PXK: variants seen among roughly 807,000 people sequenced by gnomAD.
The protein encoded by PXK is PX domain-containing protein kinase-like protein.
A neutral mutation model predicts 84.7 loss-of-function variants in PXK; 35 were observed. The ratio of observed to expected loss-of-function variants is 0.41; its 90% CI spans 0.32 to 0.55. The LOEUF is 0.55. Ranked by LOEUF, PXK falls within the 20% of genes least tolerant of loss-of-function variation. The probability of loss-of-function intolerance (pLI) is 0.21; values close to 1 mark genes in which losing one functional copy is unlikely to be tolerated. For synonymous variants in PXK, 253 were observed against 260.8 expected (o/e 0.97, Z 0.29); for missense variants, 634 against 699.7 (o/e 0.91, Z 1.06).
chr3:58,390,195 A>G lies in PXK; in HGVS notation c.389-387A>G, dbSNP rs1422583356. 6.6e-6 allele frequency among the ~76,000 whole-genome samples: 1 copy of G among 151,886 alleles called. No homozygotes were observed. The highest frequency in any genetic ancestry group is 1.5e-5 in the Non-Finnish European group (1 of 68,004). ...CCTATCTCAAAAAACAAAAAACAAA[A>G]CTAAACAAAAGAAGTTGCAATGATA... is the stretch of plus-strand genomic sequence containing the variant. On this transcript the variant is annotated intron_variant, in intron 4 of 17. Coordinates refer to ENST00000356151, the MANE Select transcript of PXK (RefSeq NM_017771.5). This position sits in a 1 kb window ranked among gnomAD's most constrained non-coding sequence, Gnocchi z 4.2.
intron 1 of PXK, among the ~76,000 whole-genome samples, chr3:58,353,294 G>C (rs563197475): frequency 6.6e-6 from 1 of 152,282 alleles, no homozygotes; most frequent in South Asian, 2.1e-4. Flanking sequence ...ACTGTGCCCG[G>C]TCTCTATGAA....
At chr3:58,362,643 C>T (rs931943379) in intron 1 of PXK, among the ~76,000 whole-genome samples, 3 of 152,104 alleles carry the variant, frequency 2.0e-5, no homozygotes, top group African/African-American at 7.2e-5. Context: ...TATGTTTATG[C>T]CTCCACCAAC....
chr3:58,373,819 G>A (rs1463822706), intron 3 of PXK, among the ~76,000 whole-genome samples: 3 of 152,056 alleles, frequency 2.0e-5, no homozygotes, highest in African/African-American at 7.2e-5. Flanking sequence ...GCCGAGGTGG[G>A]TGGATCACGA....
chr3:58,420,295 G>T (rs1348399298), intron 17 of PXK, among the ~76,000 whole-genome samples: 2 of 152,204 alleles, frequency 1.3e-5, no homozygotes, highest in Admixed American at 1.3e-4. Context: ...CTCATTAGGT[G>T]GCTCAAAAAG....
chr3:58,359,730 C>T (rs1224524209), intron 1 of PXK, among the ~76,000 whole-genome samples: 2 of 151,908 alleles, frequency 1.3e-5, no homozygotes, highest in African/African-American at 2.4e-5. Context: ...GTCAGTAAAA[C>T]GAACCTAAGT....
chr3:58,413,245 G>A (rs2060471383), intron 17 of PXK: 1 of 495,636 alleles, frequency 2.0e-6, no homozygotes. Flanking sequence ...GAGCTTCTCA[G>A]ATTGGAGCCT....
At chr3:58,406,941 C>CT (rs1038681039) in intron 13 of PXK, among the ~76,000 whole-genome samples, 4 of 152,162 alleles carry the variant, frequency 2.6e-5, no homozygotes, top group Non-Finnish European at 4.4e-5. Flanking sequence ...ATATGCCACA[C>CT]TTTTTTTATC....
At chr3:58,391,328 T>A in intron 6 of PXK, 108 bp downstream of exon 6, 2 of 933,308 alleles carry the variant, frequency 2.1e-6, no homozygotes, top group Non-Finnish European at 3.3e-6. Context: ...AGTGATGATG[T>A]AAAGGCTTCC....
In PXK at chr3:58,399,525, A is replaced by G; in HGVS notation, c.1181+148A>G. On this transcript the variant is annotated intron_variant, in intron 12 of 17. Coordinates refer to ENST00000356151, the MANE Select transcript of PXK (RefSeq NM_017771.5). The surrounding 1 kb of genome is among the most constrained non-coding windows in gnomAD (Gnocchi z 4.3). ...CTTGCTGATGGGCACTTGCAGCATG[A>G]TATCCTCACCCTTTGTTTGTGACCT... 1.4e-6 allele frequency: 1 copy of G among 732,812 alleles called. No individual in the cohort carries two copies. The highest frequency in any genetic ancestry group is 2.4e-6 in the Non-Finnish European group (1 of 421,394). 45.4% of individuals were successfully genotyped at this position (732,812 alleles called of 1,614,324 possible).
rs1380126662 is a variant in PXK, at chr3:58,425,663, C to G, written c.*703C>G. 2.0e-5 allele frequency: 3 copies of G among 152,190 alleles called. No individual in the cohort carries two copies. Among genetic ancestry groups the G allele is most frequent in the East Asian group, 3.8e-4 (2 of 5,200 alleles). The allele number at this position is 152,190 out of a possible 1,614,324, so 9.4% of individuals were successfully genotyped here. ...ACAAAAATATTAACATCAGAAAAAG[C>G]TCTTGCCAATTAGAGGATCTTCTTA... On this transcript the variant is annotated 3_prime_UTR_variant, in exon 18 of 18. Transcript: ENST00000356151.
intron 7 of PXK, 74 bp from the exon 8 acceptor site, chr3:58,394,924 A>G (rs754596830): frequency 4.1e-5 from 47 of 1,137,090 alleles, no homozygotes; most frequent in Admixed American, 6.9e-5. Context: ...TTGACTCTGC[A>G]TAACCAGATC....
chr3:58,410,669 G>T (rs1576719606), intron 16 of PXK, among the ~76,000 whole-genome samples: 1 of 152,330 alleles, frequency 6.6e-6, no homozygotes, highest in Admixed American at 6.5e-5. Context: ...ACTCCCAGCT[G>T]CCCTTCACCC....
chr3:58,391,053 C>T, intron 5 of PXK, 94 bp from the exon 6 acceptor site: 1 of 915,168 alleles, frequency 1.1e-6, no homozygotes, highest in Non-Finnish European at 1.8e-6. Context: ...AATAATATTG[C>T]CAAACTTAAT....
At chr3:58,339,988 T>A (rs995155306) in intron 1 of PXK, among the ~76,000 whole-genome samples, 1 of 151,920 alleles carries the variant, frequency 6.6e-6, no homozygotes, top group Non-Finnish European at 1.5e-5. Flanking sequence ...CTAATTTTTT[T>A]TGTATTTTTA....
At chr3:58,369,610 G>T (rs919080305) in intron 3 of PXK, 132 bp downstream of exon 3, 3 of 630,668 alleles carry the variant, frequency 4.8e-6, no homozygotes, top group Middle Eastern at 3.6e-4. Context: ...TGGATCACCT[G>T]AGGTCAGGCG....
intron 1 of PXK, among the ~76,000 whole-genome samples, chr3:58,334,928 G>GGTGTGT (rs143395201): frequency 8.4e-5 from 11 of 130,424 alleles, no homozygotes; most frequent in East Asian, 6.6e-4. Context: ...TTATTGTAAG[G>GGTGTGT]GTGTGTGTGT....
At chr3:58,380,138 G>A (rs931534240) in intron 3 of PXK, among the ~76,000 whole-genome samples, 2 of 152,126 alleles carry the variant, frequency 1.3e-5, no homozygotes, top group African/African-American at 4.8e-5. Context: ...AATAACTTAA[G>A]GAGATTAGTT....
chr3:58,403,849 C>G lies in PXK; in HGVS notation c.1182-13C>G. 3 of 1,521,974 alleles carry G rather than the reference C, an allele frequency of 2.0e-6. No individual in the cohort carries two copies. In the East Asian group the frequency reaches 6.9e-5, roughly 35 times the overall value. The allele number at this position is 1,521,974 out of a possible 1,614,324, so 94.3% of individuals were successfully genotyped here. A position where few individuals can be genotyped will look rare whatever the true frequency, so the allele number is the denominator to read the frequency against. ...GTTCAAGAAAGATTTTTGTTTGTTT[C>G]TTTTCTTTACAGATTATTCAGCGAT... On this transcript the variant is annotated splice_polypyrimidine_tract_variant and intron_variant, in intron 12 of 17. Coordinates refer to ENST00000356151, the MANE Select transcript of PXK (RefSeq NM_017771.5).
intron 13 of PXK, 142 bp downstream of exon 13, chr3:58,404,052 G>C: frequency 2.2e-6 from 1 of 455,600 alleles, no homozygotes. Flanking sequence ...TTAGGGGCTA[G>C]TTTAATAATT....
Sources: allele counts gnomAD v4.1 joint callset (sites outside exome capture counted in the v4.1 genomes callset), GRCh38; gene constraint gnomAD v4.1.1; non-coding constraint Gnocchi (gnomAD v3.1); transcripts MANE v1.5; gene names NCBI Gene and HGNC (gene_info 2026-07-23, HGNC 2026-07-21).